The following CFAP47 variants were observed in gnomAD, a reference collection of about 807,000 sequenced individuals.
CFAP47 encodes cilia- and flagella-associated protein 47.
A neutral mutation model predicts 148.1 loss-of-function variants in CFAP47; 29 were observed. The ratio of observed to expected loss-of-function variants is 0.20; its 90% CI spans 0.15 to 0.27. CFAP47 has a LOEUF of 0.27. CFAP47 is among the 10% of genes least tolerant of loss of function. CFAP47 has a pLI of 1.00. For synonymous variants in CFAP47, 664 were observed against 577.3 expected (o/e 1.15, Z -2.15); for missense variants, 1,872 against 1,697.5 (o/e 1.10, Z -1.81).
chrX:36,153,602 C>T (rs931748748), intron 37 of CFAP47, among the ~76,000 whole-genome samples: 1 of 112,466 alleles, frequency 8.9e-6, no homozygotes, highest in African/African-American at 3.2e-5. Context: ...TGCAGTGGCC[C>T]TTCCCCATGG....
rs752251151 is a variant in CFAP47 at position 36,138,336 on chromosome X, T to A, written c.5419-12T>A. ...TCCATTACCAAAAGGTTTGATTTTT[T>A]TTTTTTTACAGATTGAGTCTCATTT... On this transcript the variant is annotated splice_polypyrimidine_tract_variant and intron_variant, in intron 34 of 63. Coordinates refer to ENST00000378653, the MANE Select transcript of CFAP47 (RefSeq NM_001304548.2). The A allele has an allele frequency of 2.7e-6, 3 of 1,112,309 alleles. No homozygotes were observed. The highest frequency in any genetic ancestry group is 3.8e-5 in the African/African-American group (2 of 52,786). 91.7% of individuals were successfully genotyped at this position (1,112,309 alleles called of 1,213,427 possible).
intron 45 of CFAP47, among the ~76,000 whole-genome samples, chrX:36,213,864 G>A (rs1443186079): frequency 8.9e-6 from 1 of 111,907 alleles, no homozygotes; most frequent in African/African-American, 3.3e-5. Flanking sequence ...CTTTATTTGG[G>A]AGATGCGAAT....
At chrX:36,039,941 C>T (rs1009322408) in intron 25 of CFAP47, among the ~76,000 whole-genome samples, 1 of 112,033 alleles carries the variant, frequency 8.9e-6, no homozygotes, top group Non-Finnish European at 1.9e-5. Flanking sequence ...ACCTTAATTA[C>T]ACCTGAAAAG....
At chrX:36,261,122 T>C (rs1333470483) in intron 49 of CFAP47, among the ~76,000 whole-genome samples, 1 of 85,605 alleles carries the variant, frequency 1.2e-5, no homozygotes, top group Admixed American at 1.2e-4. Flanking sequence ...GTAGTATAGT[T>C]TCTTTTTTTT....
At chrX:35,994,253 C>T (rs1936821130) in intron 18 of CFAP47, among the ~76,000 whole-genome samples, 1 of 109,672 alleles carries the variant, frequency 9.1e-6, no homozygotes, top group Admixed American at 9.7e-5. Flanking sequence ...CAGAGCGAGA[C>T]TCCGTCTCAA....
chrX:36,011,082 A>G (rs1006795648), intron 21 of CFAP47, among the ~76,000 whole-genome samples: 1 of 112,056 alleles, frequency 8.9e-6, no homozygotes, highest in East Asian at 2.8e-4. Context: ...TTGACTTTTC[A>G]AAACTATTAT....
At position 36,000,362 on chromosome X, in the gene CFAP47, G is replaced by A. The variant is rs1206269861; in HGVS notation, c.3257G>A (p.Arg1086His). The change falls in exon 20 of 64, where the codon CGT becomes CAT. Residue 1086 changes from arginine (R) to histidine (H), a missense_variant. By Grantham distance (29) the Arg-to-His change is conservative. Coordinates refer to ENST00000378653, the MANE Select transcript of CFAP47 (RefSeq NM_001304548.2). The stretch of plus-strand genomic sequence containing the variant: ...GTAATAAAAAACAAAGGTATAACAC[G>A]TGCCAGAGTGGAGTTTAATCTAAAA... ...PFVIKNKGIT[R>H]ARVEFNLKDF... is the part of the protein sequence containing the mutation. The A allele has an allele frequency of 3.4e-5, 10 of 293,834 alleles. No individual in the cohort carries two copies. The highest frequency in any genetic ancestry group is 6.3e-5 in the Admixed American group (1 of 15,961). 24.2% of individuals were successfully genotyped at this position (293,834 alleles called of 1,213,427 possible). A position where few individuals can be genotyped will look rare whatever the true frequency, so the allele number is the denominator to read the frequency against.
intron 57 of CFAP47, among the ~76,000 whole-genome samples, chrX:36,329,010 T>A: frequency 9.0e-6 from 1 of 111,096 alleles, no homozygotes; most frequent in African/African-American, 3.3e-5. Context: ...ATACAAAATA[T>A]ATAATTCATA....
intron 22 of CFAP47, among the ~76,000 whole-genome samples, chrX:36,025,913 G>T (rs1265509947): frequency 1.8e-5 from 2 of 111,584 alleles, no homozygotes; most frequent in Non-Finnish European, 3.8e-5. Context: ...TTTTCCGATA[G>T]ATCTCTTTGT....
intron 21 of CFAP47, among the ~76,000 whole-genome samples, chrX:36,010,434 T>G (rs112219818): frequency 2.7e-5 from 3 of 109,720 alleles, no homozygotes; most frequent in African/African-American, 1.0e-4. Context: ...CTCATTTGTT[T>G]ACTGTCAGAC....
chrX:36,343,869 A>G (rs1034462657), intron 57 of CFAP47, among the ~76,000 whole-genome samples: 16 of 110,264 alleles, frequency 1.5e-4, no homozygotes, highest in African/African-American at 5.3e-4. Flanking sequence ...GAGAATATGC[A>G]GTGTTTGGTT....
intron 15 of CFAP47, among the ~76,000 whole-genome samples, chrX:35,981,267 A>T (rs1048394022): frequency 4.3e-4 from 47 of 108,954 alleles, no homozygotes; most frequent in Admixed American, 1.4e-3. Flanking sequence ...ATAAAACAAA[A>T]TATAAAAGAG....
chrX:36,179,882 C>A (rs1336853569), intron 40 of CFAP47, among the ~76,000 whole-genome samples: 5 of 110,901 alleles, frequency 4.5e-5, no homozygotes, highest in Non-Finnish European at 9.4e-5. Flanking sequence ...GGTATTCAAA[C>A]CCTGTCCACT....
intron 45 of CFAP47, among the ~76,000 whole-genome samples, chrX:36,213,789 C>G (rs1940128771): frequency 1.8e-5 from 2 of 112,151 alleles, no homozygotes; most frequent in Non-Finnish European, 3.8e-5. Context: ...TATTCTTACT[C>G]TAGTAATTGT....
chrX:35,952,867 G>A (rs762650588), intron 6 of CFAP47, among the ~76,000 whole-genome samples: 1 of 111,821 alleles, frequency 8.9e-6, no homozygotes, highest in Non-Finnish European at 1.9e-5. Context: ...AGAATCATAG[G>A]TATATGTATG....
chrX:36,089,556 G>C (rs1436434510), intron 30 of CFAP47, among the ~76,000 whole-genome samples: 1 of 111,132 alleles, frequency 9.0e-6, no homozygotes, highest in Non-Finnish European at 1.9e-5. Flanking sequence ...CATGGCTTTT[G>C]AATCATGCAG....
chrX:36,261,047 G>A (rs1038478832), intron 49 of CFAP47, among the ~76,000 whole-genome samples: 1 of 109,538 alleles, frequency 9.1e-6, no homozygotes, highest in African/African-American at 3.3e-5. Context: ...TTTCTCTAAC[G>A]TGTTGGATTG....
intron 22 of CFAP47, among the ~76,000 whole-genome samples, chrX:36,015,504 T>C (rs1937086845): frequency 9.0e-6 from 1 of 111,650 alleles, no homozygotes. Flanking sequence ...TTTGTTTTTA[T>C]AGTTCTGATA....
At chrX:36,364,731 G>A (rs921010464) in intron 61 of CFAP47, among the ~76,000 whole-genome samples, 13 of 107,776 alleles carry the variant, frequency 1.2e-4, no homozygotes, top group African/African-American at 4.3e-4. Flanking sequence ...ACTGGGATTT[G>A]TTCACATAGG....
Sources: gnomAD v4.1 joint callset for allele counts (sites outside exome capture counted in the v4.1 genomes callset) on GRCh38, gnomAD v4.1.1 for gene constraint, MANE v1.5 for transcripts, NCBI Gene and HGNC (gene_info 2026-07-23, HGNC 2026-07-21) for gene names.